The following PTPRD variants were observed in gnomAD, a reference collection of about 807,000 sequenced individuals.
PTPRD encodes receptor-type tyrosine-protein phosphatase delta.
PTPRD carries 34 observed loss-of-function variants against 214.5 expected under a neutral mutation model. The ratio of observed to expected loss-of-function variants is 0.16; its 90% CI spans 0.12 to 0.21. The LOEUF is 0.21. Among genes scored for constraint, PTPRD ranks in the 10% least tolerant of loss-of-function variants. PTPRD has a pLI of 1.00. For synonymous variants in PTPRD, 1,128 were observed against 845.7 expected (o/e 1.33, Z -5.79); for missense variants, 2,545 against 2,398.7 (o/e 1.06, Z -1.27).
At chr9:10,075,710 G>A (rs1207812451) in intron 3 of PTPRD, among the ~76,000 whole-genome samples, 1 of 151,696 alleles carries the variant, frequency 6.6e-6, no homozygotes, top group Non-Finnish European at 1.5e-5. Flanking sequence ...TTGTGCTCTG[G>A]ATAAAAGTGA....
At chr9:8,685,734 A>T (rs760322598) in intron 12 of PTPRD, among the ~76,000 whole-genome samples, 3 of 152,216 alleles carry the variant, frequency 2.0e-5, no homozygotes, top group Non-Finnish European at 4.4e-5. Context: ...GCCACAGAAG[A>T]GGTACAGGCC....
intron 12 of PTPRD, among the ~76,000 whole-genome samples, chr9:8,640,077 C>T (rs2096539697): frequency 6.6e-6 from 1 of 152,124 alleles, no homozygotes. Flanking sequence ...AGCACAACCA[C>T]ACACCACCAT....
At chr9:8,851,025 G>C (rs561271957) in intron 11 of PTPRD, among the ~76,000 whole-genome samples, 1 of 152,062 alleles carries the variant, frequency 6.6e-6, no homozygotes, top group Admixed American at 6.6e-5. Flanking sequence ...GAATCTTAGG[G>C]AGACAGAAGG....
intron 3 of PTPRD, among the ~76,000 whole-genome samples, chr9:10,066,964 GA>G (rs200442683): frequency 0.035 from 4,975 of 142,576 alleles, 206 homozygotes; most frequent in East Asian, 0.12. Context: ...TGTCCTTCTG[GA>G]AAAAAAAAAA....
intron 10 of PTPRD, among the ~76,000 whole-genome samples, chr9:9,044,355 T>G (rs962737320): frequency 6.6e-6 from 1 of 152,346 alleles, no homozygotes; most frequent in African/African-American, 2.4e-5. Flanking sequence ...GATTGACCAC[T>G]GTGAGTGGCC....
chr9:10,036,740 C>A (rs960501204), intron 3 of PTPRD, among the ~76,000 whole-genome samples: 19 of 152,024 alleles, frequency 1.2e-4, no homozygotes, highest in South Asian at 4.2e-4. Context: ...CGTGCCACCA[C>A]ACCCCACTAA....
At chr9:8,734,879 G>C (rs200145576) in intron 11 of PTPRD, among the ~76,000 whole-genome samples, 2 of 152,152 alleles carry the variant, frequency 1.3e-5, no homozygotes, top group Admixed American at 6.5e-5. Context: ...TCTCAAACTA[G>C]GCCTTGAAGT....
intron 11 of PTPRD, among the ~76,000 whole-genome samples, chr9:8,948,440 C>T (rs4995119): frequency 0.22 from 1,317 of 6,056 alleles, 433 homozygotes; most frequent in East Asian, 0.73. Flanking sequence ...TATATATTTA[C>T]ATATATATAT....
intron 8 of PTPRD, among the ~76,000 whole-genome samples, chr9:9,528,305 G>C (rs2074627951): frequency 6.6e-6 from 1 of 152,160 alleles, no homozygotes; most frequent in Non-Finnish European, 1.5e-5. Context: ...GGAACTGTCA[G>C]AGGGCTGGGA....
chr9:9,062,914 A>C (rs968264148), intron 10 of PTPRD, among the ~76,000 whole-genome samples: 1 of 152,158 alleles, frequency 6.6e-6, no homozygotes, highest in Admixed American at 6.6e-5. Flanking sequence ...TAGTAATATA[A>C]ATGTGATCAC....
At chr9:9,090,886 C>T (rs1351373627) in intron 10 of PTPRD, 11 of 1,092,160 alleles carry the variant, frequency 1.0e-5, no homozygotes, top group South Asian at 7.4e-5. Context: ...GTCTCCGGTC[C>T]GTGCCTCCAA....
chr9:10,323,958 T>G (rs1023661175), intron 3 of PTPRD, among the ~76,000 whole-genome samples: 2 of 152,050 alleles, frequency 1.3e-5, no homozygotes, highest in African/African-American at 4.8e-5. Flanking sequence ...AATTAACTTG[T>G]GAGAATTTTT....
intron 12 of PTPRD, among the ~76,000 whole-genome samples, chr9:8,697,195 T>C (rs2097932362): frequency 1.3e-5 from 2 of 152,064 alleles, no homozygotes; most frequent in Non-Finnish European, 2.9e-5. Flanking sequence ...ATCTAATTTC[T>C]GAGGACTGAC....
intron 2 of PTPRD, among the ~76,000 whole-genome samples, chr9:10,403,227 A>ATTATATATATATAT (rs2098301499): frequency 1.7e-5 from 1 of 59,882 alleles, no homozygotes; most frequent in Non-Finnish European, 3.5e-5. Context: ...TGTGTGTGTA[A>ATTATATATATATAT]ATATATATAT....
At chr9:8,673,060 A>T (rs544911337) in intron 12 of PTPRD, among the ~76,000 whole-genome samples, 1 of 151,840 alleles carries the variant, frequency 6.6e-6, no homozygotes, top group South Asian at 2.1e-4. Context: ...AAAACACTTG[A>T]TTTTTTTTCT....
At chr9:9,165,188 G>A (rs2099900400) in intron 10 of PTPRD, among the ~76,000 whole-genome samples, 1 of 151,974 alleles carries the variant, frequency 6.6e-6, no homozygotes, top group South Asian at 2.1e-4. Flanking sequence ...AATAAGAATT[G>A]TTCTTTGAAT....
intron 4 of PTPRD, among the ~76,000 whole-genome samples, chr9:9,996,853 C>G (rs1463480716): frequency 3.3e-5 from 5 of 152,036 alleles, no homozygotes; most frequent in Non-Finnish European, 7.4e-5. Context: ...CAACAACAAA[C>G]CCTGAGAGAA....
chr9:9,262,517 G>T (rs1208237348), intron 9 of PTPRD, among the ~76,000 whole-genome samples: 1 of 151,112 alleles, frequency 6.6e-6, no homozygotes, highest in Non-Finnish European at 1.5e-5. Context: ...TACTATATTG[G>T]GCAGTGTAGC....
intron 8 of PTPRD, among the ~76,000 whole-genome samples, chr9:9,517,040 CCA>C: frequency 6.6e-6 from 1 of 151,342 alleles, no homozygotes; most frequent in African/African-American, 2.4e-5. Flanking sequence ...TGAAATGAAA[CCA>C]TATCAAATGA....
Sources: gnomAD v4.1 joint callset for allele counts (sites outside exome capture counted in the v4.1 genomes callset) on GRCh38, gnomAD v4.1.1 for gene constraint, MANE v1.5 for transcripts, NCBI Gene and HGNC (gene_info 2026-07-23, HGNC 2026-07-21) for gene names.